TENM2: variants seen among roughly 807,000 people sequenced by gnomAD.
TENM2 encodes the protein teneurin-2.
In TENM2, 52 loss-of-function variants were observed where a neutral mutation model predicts 245.2. The ratio of observed to expected loss-of-function variants is 0.21; its 90% CI spans 0.17 to 0.27. TENM2 has a LOEUF of 0.27. Among genes scored for constraint, TENM2 ranks in the 10% least tolerant of loss-of-function variants. The pLI is 1.00. For missense variants in TENM2, 3,046 were observed against 3,666.8 expected (o/e 0.83, Z 4.37); for synonymous variants, 1,363 against 1,438.9 (o/e 0.95, Z 1.19).
chr5:168,044,991 G>C (rs925994796), intron 5 of TENM2, among the ~76,000 whole-genome samples: 1 of 150,572 alleles, frequency 6.6e-6, no homozygotes, highest in Non-Finnish European at 1.5e-5. Flanking sequence ...ACAAGAGAAG[G>C]TGGTTATACC....
At chr5:167,526,093 A>G (rs1771088996) in intron 2 of TENM2, among the ~76,000 whole-genome samples, 2 of 151,996 alleles carry the variant, frequency 1.3e-5, no homozygotes, top group African/African-American at 2.4e-5. Flanking sequence ...TAACAAAGGA[A>G]GAAATATATT....
chr5:167,655,215 A>G (rs776690412), intron 2 of TENM2, among the ~76,000 whole-genome samples: 2 of 152,342 alleles, frequency 1.3e-5, no homozygotes, highest in Non-Finnish European at 2.9e-5. Context: ...ACACTAGAAC[A>G]GACAGGAAGC....
chr5:168,244,686 G>C lies in TENM2; in HGVS notation c.5787G>C (p.Gly1929=). The C allele has an allele frequency of 6.7e-7, 1 of 1,493,822 alleles. No homozygotes were observed. The highest frequency in any genetic ancestry group is 1.4e-5 in the South Asian group (1 of 72,486). 92.5% of individuals were successfully genotyped at this position (1,493,822 alleles called of 1,614,324 possible). A position where few individuals can be genotyped will look rare whatever the true frequency, so the allele number is the denominator to read the frequency against. The stretch of plus-strand genomic sequence containing the variant: ...TCGTGTCCCGCATGTTCGCTGACGG[G>C]AAAGTGTGGAGCTACTCCTACCTTG... Residue 1929 remains glycine, a synonymous_variant, in exon 26 of 29, where the codon GGG becomes GGC. Transcript: ENST00000518659. This position sits in a 1 kb window ranked among gnomAD's most constrained non-coding sequence, Gnocchi z 4.9.
Position 167,900,177 on chromosome 5 carries a change from G to A in TENM2, c.712+23982G>A, listed in dbSNP as rs148441539. On this transcript the variant is annotated intron_variant, in intron 3 of 28. Coordinates refer to ENST00000518659, the Ensembl canonical transcript of TENM2. ...AAGGAAAGGAATGATATCTTTCTCC[G>A]GAAACATTGCACTGAGGCAAACGTT... Among the ~76,000 whole-genome samples the A allele has an allele frequency of 2.4e-4, 35 of 145,242 alleles. 1 individual carries two copies. The highest frequency in any genetic ancestry group is 8.5e-4 in the African/African-American group (33 of 38,622).
At chr5:168,193,360 A>G (rs1015612402) in intron 14 of TENM2, among the ~76,000 whole-genome samples, 1 of 152,260 alleles carries the variant, frequency 6.6e-6, no homozygotes, top group Non-Finnish European at 1.5e-5. Context: ...ATGGCATACA[A>G]AAATAACTAA....
chr5:167,900,303 A>T (rs911429449), intron 3 of TENM2, among the ~76,000 whole-genome samples: 2 of 151,932 alleles, frequency 1.3e-5, no homozygotes, highest in African/African-American at 2.4e-5. Context: ...TTATCAAAGC[A>T]CTTTCCATAC....
intron 2 of TENM2, among the ~76,000 whole-genome samples, chr5:167,468,945 C>T (rs1013081726): frequency 6.6e-6 from 1 of 152,140 alleles, no homozygotes; most frequent in Non-Finnish European, 1.5e-5. Flanking sequence ...TTCCCATGTT[C>T]AAATGATGCC....
At chr5:167,881,264 T>C (rs1016707299) in intron 3 of TENM2, among the ~76,000 whole-genome samples, 5 of 152,224 alleles carry the variant, frequency 3.3e-5, no homozygotes, top group Admixed American at 2.6e-4. Flanking sequence ...TTGATGATTG[T>C]ACAGTGCTGA....
At chr5:167,147,964 A>G in the TENM2 span, among the ~76,000 whole-genome samples, 1 of 152,142 alleles carries the variant, frequency 6.6e-6, no homozygotes, top group African/African-American at 2.4e-5. Flanking sequence ...TAAGGTTTCC[A>G]TGCAGAATGA....
At chr5:167,793,839 A>AC (rs909728963) in intron 2 of TENM2, among the ~76,000 whole-genome samples, 3 of 152,050 alleles carry the variant, frequency 2.0e-5, no homozygotes, top group African/African-American at 7.2e-5. Flanking sequence ...AAAAAAAAAA[A>AC]AGAAAAAAAA....
the TENM2 span, among the ~76,000 whole-genome samples, chr5:167,057,634 G>C: frequency 6.6e-6 from 1 of 152,124 alleles, no homozygotes; most frequent in African/African-American, 2.4e-5. Flanking sequence ...TCCATGGAAG[G>C]CTAGAGAAAA....
chr5:167,328,807 G>A (rs1007851186), intron 1 of TENM2, among the ~76,000 whole-genome samples: 3 of 151,844 alleles, frequency 2.0e-5, no homozygotes, highest in African/African-American at 7.2e-5. Flanking sequence ...CCTCCTTCTC[G>A]GTATACTCTA....
chr5:167,479,061 A>G (rs966761348), intron 2 of TENM2, among the ~76,000 whole-genome samples: 7 of 152,018 alleles, frequency 4.6e-5, no homozygotes, highest in African/African-American at 1.7e-4. Flanking sequence ...CAGTGATATC[A>G]GTTTGGAACT....
At chr5:167,189,016 T>A in the TENM2 span, among the ~76,000 whole-genome samples, 4 of 152,174 alleles carry the variant, frequency 2.6e-5, no homozygotes, top group Non-Finnish European at 4.4e-5. Flanking sequence ...ACTTTTTTCC[T>A]GTTATCCTCT....
At chr5:167,019,471 T>C in the TENM2 span, among the ~76,000 whole-genome samples, 1 of 152,190 alleles carries the variant, frequency 6.6e-6, no homozygotes, top group East Asian at 1.9e-4. Context: ...GTTTTTGTTT[T>C]TTTTATTTTG....
rs6863069 is a variant in TENM2 at position 168,250,031 on chromosome 5, G to A, written c.7432+1660G>A. ...CCCTGTCCTCAGGGAAATGAGCAAG[G>A]AAATCAGGATGGCTGGATGGTTGGG... On this transcript the variant is annotated intron_variant, in intron 27 of 28. Transcript: ENST00000518659. Among the ~76,000 whole-genome samples, 252 of 152,284 alleles carry A rather than the reference G, an allele frequency of 1.7e-3. 3 individuals carry two copies. Among genetic ancestry groups the A allele is most frequent in the African/African-American group, 5.7e-3 (238 of 41,558 alleles).
At chr5:167,635,436 G>C (rs1349887756) in intron 2 of TENM2, among the ~76,000 whole-genome samples, 4 of 151,616 alleles carry the variant, frequency 2.6e-5, no homozygotes, top group Non-Finnish European at 5.9e-5. Context: ...TTCCAGGGGT[G>C]TATCTGCATT....
At chr5:167,270,437 A>T in the TENM2 span, among the ~76,000 whole-genome samples, 1 of 152,252 alleles carries the variant, frequency 6.6e-6, no homozygotes, top group African/African-American at 2.4e-5. Context: ...GCATCCTCAT[A>T]ATGCCTTCAA....
chr5:168,043,940 C>T (rs2152023073), intron 5 of TENM2, among the ~76,000 whole-genome samples: 1 of 152,348 alleles, frequency 6.6e-6, no homozygotes, highest in African/African-American at 2.4e-5. Context: ...AACCAGATCA[C>T]TATGAAATAT....
Sources: allele counts gnomAD v4.1 joint callset (sites outside exome capture counted in the v4.1 genomes callset), GRCh38; gene constraint gnomAD v4.1.1; non-coding constraint Gnocchi (gnomAD v3.1); transcripts MANE v1.5; gene names NCBI Gene and HGNC (gene_info 2026-07-23, HGNC 2026-07-21).